SETBP1: variants seen among roughly 807,000 people sequenced by gnomAD.
The protein encoded by SETBP1 is SET-binding protein.
In SETBP1, 9 loss-of-function variants were observed where a neutral mutation model predicts 101.0. That is an observed-to-expected ratio of 0.09 (90% CI 0.05 to 0.16). The LOEUF is 0.16. Among genes scored for constraint, SETBP1 ranks in the 10% least tolerant of loss-of-function variants. SETBP1 has a pLI of 1.00. For synonymous variants in SETBP1, 818 were observed against 788.5 expected, an observed-to-expected ratio of 1.04 and a Z score of -0.63; for missense variants, 1,858 against 2,033.8, an observed-to-expected ratio of 0.91 and a Z score of 1.66.
chr18:44,857,639 G>A (rs147336630), intron 2 of SETBP1, among the ~76,000 whole-genome samples: 4 of 152,274 alleles, frequency 2.6e-5, no homozygotes, highest in African/African-American at 9.6e-5. Context: ...TCCTGCTGAT[G>A]TAGGATCTGT....
chr18:45,047,616 G>T (rs773819465), intron 5 of SETBP1, among the ~76,000 whole-genome samples: 1 of 152,166 alleles, frequency 6.6e-6, no homozygotes, highest in Non-Finnish European at 1.5e-5. Context: ...TTGGCATAGT[G>T]AGCCCAGCTG....
intron 3 of SETBP1, among the ~76,000 whole-genome samples, chr18:44,906,733 T>A (rs201326455): frequency 6.6e-6 from 1 of 152,144 alleles, no homozygotes; most frequent in East Asian, 1.9e-4. Context: ...AAGGTGGGGA[T>A]ATAAATGCAC....
chr18:44,991,668 A>T (rs562926800), intron 4 of SETBP1, among the ~76,000 whole-genome samples: 4 of 152,330 alleles, frequency 2.6e-5, no homozygotes, highest in Admixed American at 1.3e-4. Flanking sequence ...ACAAAGGAGA[A>T]ATTCACAAAC....
At chr18:44,739,765 A>T (rs1171065685) in intron 2 of SETBP1, among the ~76,000 whole-genome samples, 1 of 152,224 alleles carries the variant, frequency 6.6e-6, no homozygotes, top group Non-Finnish European at 1.5e-5. Flanking sequence ...CTGGGTTATC[A>T]TCCAGCAAGT....
chr18:44,922,381 C>T (rs778012306), intron 3 of SETBP1, among the ~76,000 whole-genome samples: 10 of 152,188 alleles, frequency 6.6e-5, no homozygotes, highest in African/African-American at 1.7e-4. Flanking sequence ...AATTGCAAAA[C>T]GGATGGTCTT....
chr18:44,963,677 C>G (rs1486398998), intron 4 of SETBP1, among the ~76,000 whole-genome samples: 1 of 151,546 alleles, frequency 6.6e-6, no homozygotes, highest in African/African-American at 2.4e-5. Context: ...TTGCCTGGGC[C>G]CAGGAGTTCA....
chr18:44,716,226 A>G (rs2069460306), intron 2 of SETBP1, among the ~76,000 whole-genome samples: 2 of 152,194 alleles, frequency 1.3e-5, no homozygotes, highest in South Asian at 2.1e-4. Context: ...ATTCCCTGCC[A>G]TTCTGCAGGA....
intron 2 of SETBP1, among the ~76,000 whole-genome samples, chr18:44,819,171 G>A (rs1431204851): frequency 6.6e-6 from 1 of 151,996 alleles, no homozygotes; most frequent in Admixed American, 6.6e-5. Context: ...CATGTGTCAC[G>A]CTGTTTTTCA....
chr18:44,687,718 C>T (rs1446108605), intron 1 of SETBP1, among the ~76,000 whole-genome samples: 1 of 151,996 alleles, frequency 6.6e-6, no homozygotes, highest in East Asian at 1.9e-4. Flanking sequence ...TTGAGCTTTG[C>T]TGCTGCTTCC....
intron 2 of SETBP1, among the ~76,000 whole-genome samples, chr18:44,705,774 G>A (rs1304555972): frequency 6.6e-6 from 1 of 152,124 alleles, no homozygotes; most frequent in Non-Finnish European, 1.5e-5. Context: ...GTGTAGCATC[G>A]TCAACAGCCT....
rs1301162163 is a variant in SETBP1, at chr18:45,068,438, A to T, written c.*4740A>T. 1 of 150,862 alleles carries T rather than the reference A, an allele frequency of 6.6e-6. No homozygotes were observed. The highest frequency in any genetic ancestry group is 1.5e-5 in the Non-Finnish European group (1 of 68,014). 9.3% of individuals were successfully genotyped at this position (150,862 alleles called of 1,614,324 possible). On this transcript the variant is annotated 3_prime_UTR_variant, in exon 6 of 6. Transcript: ENST00000649279. ...TTAGCACAGTATAGAGCACTTAACT[A>T]TTAAAAAAAAAAAGTTAATCCTATT...
chr18:44,967,742 C>G (rs1240653018), intron 4 of SETBP1, among the ~76,000 whole-genome samples: 2 of 152,144 alleles, frequency 1.3e-5, no homozygotes, highest in African/African-American at 4.8e-5. Context: ...TTCCATGTGG[C>G]CCGTCCAGCA....
chr18:45,037,302 G>A (rs1053313943), intron 4 of SETBP1, among the ~76,000 whole-genome samples: 2 of 152,126 alleles, frequency 1.3e-5, no homozygotes, highest in Non-Finnish European at 2.9e-5. Context: ...GGGGTTGGAG[G>A]GAAGGTGCCC....
intron 3 of SETBP1, among the ~76,000 whole-genome samples, chr18:44,931,995 C>A (rs7506733): frequency 6.6e-6 from 1 of 152,000 alleles, no homozygotes; most frequent in Non-Finnish European, 1.5e-5. Context: ...ATGTTAGCTG[C>A]TTATTTTGCT....
chr18:44,759,581 T>A lies in SETBP1; in HGVS notation c.486+57749T>A, dbSNP rs961063090. ...CATCTTAGCCTTACAGAGTTTCAGT[T>A]CCCCAAACAGTGTGTGTGGGGTGAG... On this transcript the variant is annotated intron_variant, in intron 2 of 5. Transcript: ENST00000649279. Among the ~76,000 whole-genome samples, 6 of 152,190 alleles carry A rather than the reference T, an allele frequency of 3.9e-5. No individual in the cohort carries two copies. In the South Asian group the frequency reaches 1.0e-3, roughly 26 times the overall value.
At position 44,994,237 on chromosome 18, in the gene SETBP1, G is replaced by A. The variant is rs2072443518; in HGVS notation, c.4000+40897G>A. ...GATGAGAGAACACACACAAAAAAAA[G>A]TTCAGTAATTTTCCTGATTCTATTC... On this transcript the variant is annotated intron_variant, in intron 4 of 5. Transcript: ENST00000649279. 2.0e-5 allele frequency among the ~76,000 whole-genome samples: 3 copies of A among 151,940 alleles called. No homozygotes were observed. The South Asian group carries it at 6.2e-4, about 32-fold the overall frequency.
At chr18:45,045,726 G>T (rs1288721336) in intron 5 of SETBP1, among the ~76,000 whole-genome samples, 1 of 152,062 alleles carries the variant, frequency 6.6e-6, no homozygotes, top group Admixed American at 6.5e-5. Flanking sequence ...TCTGTAAAAT[G>T]GGGAAAAGAA....
chr18:44,685,317 T>C (rs1341363584), intron 1 of SETBP1, among the ~76,000 whole-genome samples: 4 of 152,252 alleles, frequency 2.6e-5, no homozygotes, highest in Non-Finnish European at 4.4e-5. Flanking sequence ...TTCATATGCA[T>C]GGCATTTTGT....
chr18:44,990,310 T>C (rs990581410), intron 4 of SETBP1, among the ~76,000 whole-genome samples: 28 of 152,260 alleles, frequency 1.8e-4, no homozygotes, highest in Middle Eastern at 3.4e-3. Flanking sequence ...TATTTGAACA[T>C]TGGCCAGGGG....
Sources: allele counts gnomAD v4.1 joint callset (sites outside exome capture counted in the v4.1 genomes callset), GRCh38; gene constraint gnomAD v4.1.1; transcripts MANE v1.5; gene names NCBI Gene and HGNC (gene_info 2026-07-23, HGNC 2026-07-21).